The following TENM3 variants were observed in gnomAD, a reference collection of about 807,000 sequenced individuals.
The protein encoded by TENM3 is teneurin transmembrane protein 3.
A neutral mutation model predicts 255.1 loss-of-function variants in TENM3; 63 were observed. The ratio of observed to expected loss-of-function variants is 0.25; its 90% CI spans 0.20 to 0.30. The LOEUF (loss-of-function observed/expected upper bound fraction) is 0.30. Among genes scored for constraint, TENM3 ranks in the 10% least tolerant of loss-of-function variants. The probability of loss-of-function intolerance (pLI) is 1.00; values close to 1 mark genes in which losing one functional copy is unlikely to be tolerated. For missense variants in TENM3, 2,929 were observed against 3,461.1 expected (o/e 0.85, Z 3.86); for synonymous variants, 1,306 against 1,322.3 (o/e 0.99, Z 0.27).
At chr4:181,812,537 G>A in the TENM3 span, among the ~76,000 whole-genome samples, 1 of 152,224 alleles carries the variant, frequency 6.6e-6, no homozygotes, top group Non-Finnish European at 1.5e-5. Flanking sequence ...ATCAGACTGA[G>A]AGGATTCTAG....
chr4:181,603,836 G>GA, the TENM3 span, among the ~76,000 whole-genome samples: 19,992 of 152,190 alleles, frequency 0.13, 2,039 homozygotes, highest in African/African-American at 0.28. Flanking sequence ...CTGCATGAAA[G>GA]AGGCTAGAAA....
intron 3 of TENM3, among the ~76,000 whole-genome samples, chr4:182,447,748 G>A (rs1580575014): frequency 6.6e-6 from 1 of 152,094 alleles, no homozygotes; most frequent in Non-Finnish European, 1.5e-5. Context: ...TGTTTTCCTT[G>A]TTTCTTTATA....
chr4:182,580,374 G>A (rs562100560), intron 3 of TENM3, among the ~76,000 whole-genome samples: 8 of 152,210 alleles, frequency 5.3e-5, no homozygotes, highest in South Asian at 2.1e-4. Context: ...CATTATCTCC[G>A]ACTTCGGCTC....
the TENM3 span, among the ~76,000 whole-genome samples, chr4:181,501,402 GGA>G: frequency 6.7e-6 from 1 of 149,598 alleles, no homozygotes; most frequent in African/African-American, 2.5e-5. Context: ...TTTTTAAGAT[GGA>G]GTCTCGCACT....
At chr4:181,585,298 C>A in the TENM3 span, among the ~76,000 whole-genome samples, 1 of 152,122 alleles carries the variant, frequency 6.6e-6, no homozygotes, top group Non-Finnish European at 1.5e-5. Context: ...ACAAATGCAG[C>A]CTCTGAATTT....
At chr4:181,952,553 G>T in the TENM3 span, among the ~76,000 whole-genome samples, 1 of 152,208 alleles carries the variant, frequency 6.6e-6, no homozygotes, top group African/African-American at 2.4e-5. Flanking sequence ...TATTCGGAAG[G>T]GAAGAAAGAA....
At chr4:181,817,204 T>C in the TENM3 span, among the ~76,000 whole-genome samples, 1 of 152,204 alleles carries the variant, frequency 6.6e-6, no homozygotes, top group Non-Finnish European at 1.5e-5. Flanking sequence ...GAGCACCTTC[T>C]ACCTATGATG....
chr4:182,120,001 C>G, the TENM3 span, among the ~76,000 whole-genome samples: 4 of 152,074 alleles, frequency 2.6e-5, no homozygotes, highest in African/African-American at 4.8e-5. Flanking sequence ...TGCACCTGTC[C>G]TCCCCATAGT....
the TENM3 span, among the ~76,000 whole-genome samples, chr4:181,744,559 A>T: frequency 1.3e-5 from 2 of 152,152 alleles, no homozygotes; most frequent in African/African-American, 4.8e-5. Context: ...GATATTTTTA[A>T]GGGATATCCC....
At chr4:182,197,672 A>G (rs1753915641) in intron 1 of TENM3, among the ~76,000 whole-genome samples, 1 of 152,252 alleles carries the variant, frequency 6.6e-6, no homozygotes, top group African/African-American at 2.4e-5. Flanking sequence ...TTAAATAGTG[A>G]CAATAACTTT....
At chr4:181,580,169 T>A in the TENM3 span, among the ~76,000 whole-genome samples, 3 of 152,062 alleles carry the variant, frequency 2.0e-5, no homozygotes, top group African/African-American at 4.8e-5. Flanking sequence ...GGCTAATTTT[T>A]GTATTTTTAG....
chr4:181,470,820 C>T, the TENM3 span, among the ~76,000 whole-genome samples: 1 of 152,052 alleles, frequency 6.6e-6, no homozygotes, highest in Admixed American at 6.6e-5. Context: ...AAAGCATGCT[C>T]ACCAAGAGGC....
chr4:182,155,921 G>A (rs1335401690), intron 1 of TENM3, among the ~76,000 whole-genome samples: 2 of 151,742 alleles, frequency 1.3e-5, no homozygotes, highest in African/African-American at 2.4e-5. Flanking sequence ...TCTTTCATCA[G>A]CTCTGTAGCT....
chr4:181,574,722 A>G, the TENM3 span, among the ~76,000 whole-genome samples: 2 of 152,200 alleles, frequency 1.3e-5, no homozygotes, highest in Non-Finnish European at 2.9e-5. Context: ...ATGTTTTTAA[A>G]TATAGATCAT....
chr4:181,934,621 T>C, the TENM3 span, among the ~76,000 whole-genome samples: 3 of 152,140 alleles, frequency 2.0e-5, no homozygotes, highest in Non-Finnish European at 2.9e-5. Context: ...TAAAAAAGGA[T>C]TTTTAGCATA....
the TENM3 span, among the ~76,000 whole-genome samples, chr4:181,998,188 C>A: frequency 6.6e-6 from 1 of 152,104 alleles, no homozygotes; most frequent in Non-Finnish European, 1.5e-5. Context: ...TAAAATCATG[C>A]ACAGAATCCA....
At chr4:182,063,135 A>C in the TENM3 span, among the ~76,000 whole-genome samples, 2 of 152,256 alleles carry the variant, frequency 1.3e-5, no homozygotes, top group Non-Finnish European at 2.9e-5. Flanking sequence ...CATTTTCAAT[A>C]ACATCAGTTT....
the TENM3 span, among the ~76,000 whole-genome samples, chr4:181,453,169 C>T: frequency 5.9e-5 from 9 of 152,024 alleles, no homozygotes; most frequent in African/African-American, 9.7e-5. Flanking sequence ...GACTGCAAGA[C>T]GACGACAAGG....
chr4:182,771,831 C>T (rs1579438542), intron 22 of TENM3, among the ~76,000 whole-genome samples: 1 of 152,164 alleles, frequency 6.6e-6, no homozygotes, highest in South Asian at 2.1e-4. Context: ...GTGGGGAGGA[C>T]ATCTTCAGCT....
Sources: gnomAD v4.1 joint callset for allele counts (sites outside exome capture counted in the v4.1 genomes callset) on GRCh38, gnomAD v4.1.1 for gene constraint, MANE v1.5 for transcripts, NCBI Gene and HGNC (gene_info 2026-07-23, HGNC 2026-07-21) for gene names.